PARN: variants seen among roughly 807,000 people sequenced by gnomAD.
PARN encodes the protein poly(A)-specific ribonuclease.
PARN carries 71 observed loss-of-function variants against 102.8 expected under a neutral mutation model. The observed-to-expected ratio is 0.69, with a 90% confidence interval of 0.57 to 0.84. The LOEUF is 0.84. PARN is among the 40% of genes least tolerant of loss of function. The probability of loss-of-function intolerance (pLI) is 0.00; values close to 1 mark genes in which losing one functional copy is unlikely to be tolerated. For synonymous variants in PARN, 261 were observed against 252.9 expected (o/e 1.03, Z -0.30); for missense variants, 782 against 760.9 (o/e 1.03, Z -0.33).
At chr16:14,515,763 C>T (rs1047758437) in intron 21 of PARN, among the ~76,000 whole-genome samples, 6 of 152,022 alleles carry the variant, frequency 3.9e-5, no homozygotes, top group East Asian at 1.9e-4. Flanking sequence ...CAGCAAGACC[C>T]TGTGTCTTAA....
chr16:14,604,066 T>C (rs1288247238), intron 11 of PARN, 80 bp downstream of exon 11: 2 of 866,590 alleles, frequency 2.3e-6, no homozygotes, highest in Non-Finnish European at 3.8e-6. Context: ...GAATCCAACA[T>C]ATGATCTGAA....
intron 11 of PARN, among the ~76,000 whole-genome samples, chr16:14,600,698 A>G (rs573791815): frequency 6.6e-6 from 1 of 152,296 alleles, no homozygotes; most frequent in African/African-American, 2.4e-5. Context: ...TGGGAGGCAG[A>G]GGCAGATGGA....
At chr16:14,548,612 C>T (rs1967107598) in intron 21 of PARN, among the ~76,000 whole-genome samples, 1 of 152,106 alleles carries the variant, frequency 6.6e-6, no homozygotes. Flanking sequence ...ATACAAGATG[C>T]TATGAAAGCA....
chr16:14,546,896 C>T (rs1315610316), intron 21 of PARN, among the ~76,000 whole-genome samples: 2 of 151,928 alleles, frequency 1.3e-5, no homozygotes, highest in Non-Finnish European at 1.5e-5. Flanking sequence ...AGTTCGAGAC[C>T]AGCCTGACCA....
chr16:14,583,571 T>C (rs1002780770), intron 16 of PARN, among the ~76,000 whole-genome samples: 5 of 152,204 alleles, frequency 3.3e-5, no homozygotes, highest in Non-Finnish European at 1.5e-5. Flanking sequence ...TCTCCCCCAA[T>C]GGCCCCACCA....
rs577466438 is a variant in PARN at position 14,596,440 on chromosome 16, A to G, written c.841-3062T>C. Among the ~76,000 whole-genome samples the G allele has an allele frequency of 2.0e-5, 3 of 152,176 alleles. No homozygotes were observed. In the East Asian group the frequency reaches 5.8e-4, roughly 29 times the overall value. ...TACATATACATAAAAACCATTAAAT[A>G]AACAAGGGAAAGGGCTGGGTGTGGT... On this transcript the variant is annotated intron_variant, in intron 12 of 23. Coordinates refer to ENST00000437198, the MANE Select transcript of PARN (RefSeq NM_002582.4).
At chr16:14,580,435 A>G (rs373642337) in intron 18 of PARN, among the ~76,000 whole-genome samples, 4 of 151,632 alleles carry the variant, frequency 2.6e-5, no homozygotes, top group Non-Finnish European at 4.4e-5. Context: ...TTACAGGCAC[A>G]TGCCACCACG....
chr16:14,486,202 A>C (rs187154058), intron 21 of PARN, among the ~76,000 whole-genome samples: 128 of 152,086 alleles, frequency 8.4e-4, no homozygotes, highest in East Asian at 2.3e-3. Flanking sequence ...CACACACACA[A>C]AAAAAACCAC....
chr16:14,471,297 T>A (rs963288942), intron 22 of PARN, among the ~76,000 whole-genome samples: 1 of 152,098 alleles, frequency 6.6e-6, no homozygotes, highest in Non-Finnish European at 1.5e-5. Flanking sequence ...AAGCATAAAA[T>A]AGAAAAGCAG....
At chr16:14,622,500 T>G (rs958134000) in intron 5 of PARN, among the ~76,000 whole-genome samples, 2 of 152,134 alleles carry the variant, frequency 1.3e-5, no homozygotes, top group Non-Finnish European at 2.9e-5. Flanking sequence ...AATGTGAAAT[T>G]AGGATTCCAT....
At chr16:14,605,513 T>A (rs1021914237) in intron 10 of PARN, among the ~76,000 whole-genome samples, 1 of 151,822 alleles carries the variant, frequency 6.6e-6, no homozygotes, top group African/African-American at 2.4e-5. Context: ...GTATTAACAT[T>A]AACAAAACTT....
intron 12 of PARN, among the ~76,000 whole-genome samples, chr16:14,596,333 C>T (rs1336889973): frequency 6.6e-6 from 1 of 151,244 alleles, no homozygotes; most frequent in African/African-American, 2.4e-5. Flanking sequence ...ACAATTTAAG[C>T]AACAAAGTAA....
chr16:14,486,938 T>C (rs1332753125), intron 21 of PARN, among the ~76,000 whole-genome samples: 1 of 152,250 alleles, frequency 6.6e-6, no homozygotes, highest in Non-Finnish European at 1.5e-5. Flanking sequence ...CCAAATGTGC[T>C]AAGAGTCCTC....
intron 21 of PARN, among the ~76,000 whole-genome samples, chr16:14,527,519 G>A (rs1966071690): frequency 6.6e-6 from 1 of 152,132 alleles, no homozygotes; most frequent in South Asian, 2.1e-4. Flanking sequence ...CAAATGCTGA[G>A]TCATTGTTTC....
At chr16:14,614,550 C>T (rs549429685) in intron 6 of PARN, among the ~76,000 whole-genome samples, 2 of 152,002 alleles carry the variant, frequency 1.3e-5, no homozygotes, top group South Asian at 2.1e-4. Context: ...TGGTGGCTCC[C>T]GTACAAAAGA....
chr16:14,584,551 A>T (rs900947372), intron 15 of PARN, 129 bp from the exon 16 acceptor site: 1 of 828,438 alleles, frequency 1.2e-6, no homozygotes, highest in South Asian at 1.7e-5. Context: ...AAAGAAACAC[A>T]GAAGTCTTCG....
chr16:14,489,370 G>A (rs1037890313), intron 21 of PARN, among the ~76,000 whole-genome samples: 1 of 149,250 alleles, frequency 6.7e-6, no homozygotes, highest in Non-Finnish European at 1.5e-5. Flanking sequence ...GCTTGAACAT[G>A]TGAGGCAGAG....
intron 18 of PARN, among the ~76,000 whole-genome samples, chr16:14,577,810 G>A (rs1424548651): frequency 6.6e-6 from 1 of 152,048 alleles, no homozygotes; most frequent in African/African-American, 2.4e-5. Flanking sequence ...TGGGATTACA[G>A]GCACCCATCA....
chr16:14,572,181 G>T (rs1266786550), intron 18 of PARN, among the ~76,000 whole-genome samples: 1 of 152,156 alleles, frequency 6.6e-6, no homozygotes, highest in Admixed American at 6.5e-5. Flanking sequence ...AGGTGATCAG[G>T]CAGCACCCTC....
Sources: allele counts gnomAD v4.1 joint callset (sites outside exome capture counted in the v4.1 genomes callset), GRCh38; gene constraint gnomAD v4.1.1; transcripts MANE v1.5; gene names NCBI Gene and HGNC (gene_info 2026-07-23, HGNC 2026-07-21).